The following USP8 variants were observed in gnomAD, a reference collection of about 807,000 sequenced individuals.
USP8 encodes ubiquitin carboxyl-terminal hydrolase 8.
USP8 carries 27 observed loss-of-function variants against 130.0 expected under a neutral mutation model. That is an observed-to-expected ratio of 0.21 (90% CI 0.15 to 0.29). USP8 has a LOEUF of 0.29. Ranked by LOEUF, USP8 falls within the 10% of genes least tolerant of loss-of-function variation. The pLI is 1.00. For missense variants in USP8, 1,029 were observed against 1,312.2 expected, an observed-to-expected ratio of 0.78 and a Z score of 3.33; for synonymous variants, 392 against 444.1, an observed-to-expected ratio of 0.88 and a Z score of 1.48.
At chr15:50,476,389 C>T (rs1022388921) in intron 8 of USP8, among the ~76,000 whole-genome samples, 6 of 152,162 alleles carry the variant, frequency 3.9e-5, no homozygotes, top group African/African-American at 9.7e-5. Flanking sequence ...GTGATTATGC[C>T]GTTGCATTCC....
chr15:50,451,033 A>C (rs181206523), intron 4 of USP8, among the ~76,000 whole-genome samples: 68 of 152,312 alleles, frequency 4.5e-4, no homozygotes, highest in African/African-American at 1.5e-3. Context: ...GAGGAAACTG[A>C]AAGATTTAAC....
chr15:50,484,540 A>T (rs1034213954), intron 12 of USP8, among the ~76,000 whole-genome samples, 179 bp downstream of exon 12: 5 of 152,176 alleles, frequency 3.3e-5, no homozygotes, highest in African/African-American at 1.2e-4. Flanking sequence ...TTATATGCTA[A>T]AGGAAATAGT....
rs377181464 is a variant in USP8 at position 50,440,727 on chromosome 15, G to A, written c.105-622G>A. ...ATAAAGAATGCGCAACCTTGGCTAG[G>A]CGCGGTGGCTCATGCCTGTAATCCG... On this transcript the variant is annotated intron_variant, in intron 2 of 19. Coordinates refer to ENST00000307179, the MANE Select transcript of USP8 (RefSeq NM_005154.5). Among the ~76,000 whole-genome samples the A allele has an allele frequency of 2.1e-4, 32 of 152,174 alleles. No homozygotes were observed. In the South Asian group the frequency reaches 6.4e-3, roughly 31 times the overall value.
chr15:50,471,659 A>G lies in USP8; in HGVS notation c.713A>G (p.His238Arg). The G allele has an allele frequency of 6.2e-7, 1 of 1,613,500 alleles. No individual in the cohort carries two copies. Among genetic ancestry groups the G allele is most frequent in the Non-Finnish European group, 8.5e-7 (1 of 1,179,934 alleles). Residue 238 changes from histidine to arginine, a missense_variant, in exon 8 of 20, where the codon CAC becomes CGC. Coordinates refer to ENST00000307179, the MANE Select transcript of USP8 (RefSeq NM_005154.5). ...PGVTASWIEAHLPDDSKDTWK... is the reference protein window; with the variant it reads ...PGVTASWIEARLPDDSKDTWK... ...GTCACTGCTAGTTGGATTGAAGCAC[A>G]CCTGCCAGATGATTCTAAAGACACA...
chr15:50,475,417 G>A (rs2051531860), intron 8 of USP8, among the ~76,000 whole-genome samples: 1 of 152,000 alleles, frequency 6.6e-6, no homozygotes, highest in Admixed American at 6.6e-5. Context: ...TTATAAAGAT[G>A]TATAATGGGC....
intron 7 of USP8, 71 bp downstream of exon 7, chr15:50,465,262 T>TA: frequency 2.1e-6 from 3 of 1,462,930 alleles, no homozygotes; most frequent in Non-Finnish European, 2.7e-6. Context: ...TAAATGTTAC[T>TA]ACTTAGCATC....
intron 8 of USP8, among the ~76,000 whole-genome samples, chr15:50,473,469 A>G (rs2141294392): frequency 1.3e-5 from 2 of 152,110 alleles, no homozygotes; most frequent in South Asian, 4.2e-4. Flanking sequence ...AGGCCTAACT[A>G]TATATTTTTT....
At chr15:50,455,754 G>C (rs534060520) in intron 4 of USP8, among the ~76,000 whole-genome samples, 1 of 152,238 alleles carries the variant, frequency 6.6e-6, no homozygotes, top group Admixed American at 6.6e-5. Flanking sequence ...CCTATGGTAG[G>C]TGGCAACTGA....
chr15:50,445,400 G>A (rs1390355031), intron 3 of USP8, among the ~76,000 whole-genome samples: 1 of 142,498 alleles, frequency 7.0e-6, no homozygotes, highest in African/African-American at 2.6e-5. Context: ...ACAAAAATTA[G>A]CAGGGTGTGG....
At chr15:50,492,015 T>C (rs1007889555) in intron 14 of USP8, among the ~76,000 whole-genome samples, 1 of 152,034 alleles carries the variant, frequency 6.6e-6, no homozygotes, top group South Asian at 2.1e-4. Context: ...ACGTCCACTA[T>C]CATGCCCAGC....
chr15:50,495,452 CTT>C (rs1314223334), intron 16 of USP8, among the ~76,000 whole-genome samples: 2 of 147,540 alleles, frequency 1.4e-5, no homozygotes, highest in African/African-American at 5.2e-5. Context: ...AAAAACCAAA[CTT>C]TTTAGCTTTT....
intron 7 of USP8, among the ~76,000 whole-genome samples, chr15:50,466,379 A>T (rs1191594071): frequency 6.6e-6 from 1 of 152,110 alleles, no homozygotes; most frequent in Non-Finnish European, 1.5e-5. Flanking sequence ...CAGGCGGATC[A>T]CTTGAGGTCA....
rs750813812 is a variant in USP8 at position 50,459,107 on chromosome 15, C to T, written c.443C>T (p.Thr148Ile). ...GAAACAGGAAGAGAGGATGGTGGCACATTGGCTAAAGGCTCTTTGGAGAAT... is the reference window on the plus strand; with the variant it reads ...GAAACAGGAAGAGAGGATGGTGGCATATTGGCTAAAGGCTCTTTGGAGAAT... ...RQETGREDGGTLAKGSLENVL... is the reference protein window; with the variant it reads ...RQETGREDGGILAKGSLENVL... Residue 148 changes from threonine (T) to isoleucine (I), a missense_variant, in exon 5 of 20, where the codon ACA (threonine) becomes ATA (isoleucine). Around this residue, in one of 4 missense-constraint regions of USP8, gnomAD observed 281 missense variants for 336.7 expected, o/e 0.83. Transcript: ENST00000307179. The T allele has an allele frequency of 6.2e-7, 1 of 1,614,088 alleles. No individual in the cohort carries two copies. The highest frequency in any genetic ancestry group is 8.5e-7 in the Non-Finnish European group (1 of 1,180,022).
chr15:50,435,442 C>G (rs1377336841), intron 1 of USP8, among the ~76,000 whole-genome samples: 3 of 152,138 alleles, frequency 2.0e-5, no homozygotes, highest in African/African-American at 7.2e-5. Context: ...GCAAATCTTA[C>G]ACCATTTTAT....
chr15:50,492,914 G>C lies in USP8; in HGVS notation c.2447+1G>C. 1 of 1,611,632 alleles carries C rather than the reference G, an allele frequency of 6.2e-7. No individual in the cohort carries two copies. The highest frequency in any genetic ancestry group is 8.5e-7 in the Non-Finnish European group (1 of 1,178,118). ...ACTGTTATCAGGATGATATTAACAG[G>C]TAAATACATGTCATACTTTTTGCAT... On this transcript the variant is annotated splice_donor_variant, in intron 15 of 19. Transcript: ENST00000307179. LOFTEE classifies it high-confidence loss of function.
At chr15:50,474,745 C>T (rs1321378293) in intron 8 of USP8, among the ~76,000 whole-genome samples, 1 of 152,116 alleles carries the variant, frequency 6.6e-6, no homozygotes, top group African/African-American at 2.4e-5. Context: ...AAACAGCGAA[C>T]TATTAGGAGA....
Position 50,459,019 on chromosome 15 carries a change from C to A in USP8, c.355C>A (p.Arg119=), listed in dbSNP as rs979378456. ...AACTAGATATGAAGAAGCTGAAGTC[C>A]GGAAAAAACTTGAGGAAAAAGACAG... is the stretch of plus-strand genomic sequence containing the variant. ...LKLRYEEAEV[R]KKLEEKDRQE... is the part of the protein sequence containing the mutation. The change falls in exon 5 of 20, where the codon CGG becomes AGG. Residue 119 remains arginine, a synonymous_variant. Transcript: ENST00000307179. 3 of 1,612,916 alleles carry A rather than the reference C, an allele frequency of 1.9e-6. No individual in the cohort carries two copies. In the East Asian group the frequency reaches 6.7e-5, roughly 36 times the overall value.
At chr15:50,442,061 G>A (rs1231330883) in intron 3 of USP8, among the ~76,000 whole-genome samples, 1 of 138,748 alleles carries the variant, frequency 7.2e-6, no homozygotes, top group Non-Finnish European at 1.5e-5. Context: ...ACTGCAACCT[G>A]TCTCCTGGGT....
rs960428350 is a variant in USP8, at chr15:50,498,912, G to A, written c.3181G>A (p.Gly1061Ser). Residue 1061 changes from glycine (G) to serine (S), a missense_variant, in exon 20 of 20, where the codon GGT (glycine) becomes AGT (serine). This residue lies in a region of USP8 where 257 missense variants were observed against 429.8 expected (regional missense o/e 0.60). Coordinates refer to ENST00000307179, the MANE Select transcript of USP8 (RefSeq NM_005154.5). ...YNLFSVSNHY[G>S]GLDGGHYTAY... ...ATCTTGTTTGGCACAGAATCACTACGGTGGGCTGGATGGAGGCCACTACAC... is the reference window on the plus strand; with the variant it reads ...ATCTTGTTTGGCACAGAATCACTACAGTGGGCTGGATGGAGGCCACTACAC... 6.2e-7 allele frequency: 1 copy of A among 1,606,380 alleles called. No individual in the cohort carries two copies. Among genetic ancestry groups the A allele is most frequent in the Non-Finnish European group, 8.5e-7 (1 of 1,176,560 alleles).
Sources: gnomAD v4.1 joint callset for allele counts (sites outside exome capture counted in the v4.1 genomes callset) on GRCh38, gnomAD v4.1.1 for gene constraint, gnomAD v4.1.1 regional missense constraint, MANE v1.5 for transcripts, NCBI Gene and HGNC (gene_info 2026-07-23, HGNC 2026-07-21) for gene names.